Variants in SLC44A1 observed in about 807,000 individuals in gnomAD.
SLC44A1 encodes the protein solute carrier family 44 member 1, also known as choline transporter-like protein 1.
A neutral mutation model predicts 79.3 loss-of-function variants in SLC44A1; 26 were observed. That is an observed-to-expected ratio of 0.33 (90% CI 0.24 to 0.46). SLC44A1 has a LOEUF of 0.46. SLC44A1 is among the 20% of genes least tolerant of loss of function. The pLI is 1.00. For missense variants in SLC44A1, 688 were observed against 798.1 expected, an observed-to-expected ratio of 0.86 and a Z score of 1.66; for synonymous variants, 263 against 286.2, an observed-to-expected ratio of 0.92 and a Z score of 0.82.
At chr9:105,265,370 A>T (rs1003033783) in intron 1 of SLC44A1, among the ~76,000 whole-genome samples, 1 of 152,208 alleles carries the variant, frequency 6.6e-6, no homozygotes, top group African/African-American at 2.4e-5. Context: ...CCAGAATGTC[A>T]TATAAATGGA....
chr9:105,262,494 TTTC>T (rs1292483284), intron 1 of SLC44A1, among the ~76,000 whole-genome samples: 37 of 152,368 alleles, frequency 2.4e-4, no homozygotes, highest in Non-Finnish European at 4.3e-4. Flanking sequence ...ATAAATGAGT[TTTC>T]TTCTTTGATA....
chr9:105,398,069 G>A (rs1828909615), downstream of SLC44A1, among the ~76,000 whole-genome samples: 1 of 152,244 alleles, frequency 6.6e-6, no homozygotes, highest in Non-Finnish European at 1.5e-5. Context: ...GATCTGTAAT[G>A]AGTTTAGTGC....
chr9:105,399,523 GA>G (rs11349356), downstream of SLC44A1, among the ~76,000 whole-genome samples: 132,342 of 152,024 alleles, frequency 0.87, 59,509 homozygotes, highest in East Asian at 1. Flanking sequence ...TAAGCAAATT[GA>G]AAAAAAATTG....
rs1186723605 is a variant in SLC44A1, at chr9:105,413,424, G to GT, written c.1951-24853dup. ...AATATAGGTGCCGCCCATCTTCCTGGTTTTCCCCTTCTCTGGCCTGTCTGG... is the reference window on the plus strand; with the variant it reads ...AATATAGGTGCCGCCCATCTTCCTGGTTTTTCCCCTTCTCTGGCCTGTCTGG... On this transcript the variant is annotated intron_variant, in intron 15 of 15. Coordinates refer to the SLC44A1 transcript ENST00000374724. Among the ~76,000 whole-genome samples the GT allele has an allele frequency of 3.9e-5, 6 of 152,232 alleles. No individual in the cohort carries two copies. The South Asian group carries it at 8.3e-4, about 21-fold the overall frequency.
chr9:105,384,952 G>T (rs1828585556), intron 14 of SLC44A1, among the ~76,000 whole-genome samples: 1 of 152,042 alleles, frequency 6.6e-6, no homozygotes, highest in Non-Finnish European at 1.5e-5. Context: ...TTATGGTTTG[G>T]TTAAGAAAAA....
chr9:105,319,157 C>T (rs1826303931), intron 3 of SLC44A1, among the ~76,000 whole-genome samples: 3 of 152,154 alleles, frequency 2.0e-5, no homozygotes, highest in Admixed American at 2.0e-4. Flanking sequence ...AGAGGGCACA[C>T]AGTCCACACA....
At chr9:105,361,435 C>A in intron 8 of SLC44A1, 105 bp downstream of exon 8, 1 of 1,063,956 alleles carries the variant, frequency 9.4e-7, no homozygotes, top group Non-Finnish European at 1.4e-6. Flanking sequence ...TAACCCTGAT[C>A]TCCAGTAGAT....
chr9:105,302,479 A>C (rs989590009), intron 2 of SLC44A1, among the ~76,000 whole-genome samples: 2 of 151,780 alleles, frequency 1.3e-5, no homozygotes, highest in African/African-American at 4.8e-5. Context: ...CGGCCTCCTG[A>C]GTAGCTGAGA....
At chr9:105,276,962 T>C (rs1043522409) in intron 1 of SLC44A1, among the ~76,000 whole-genome samples, 1 of 152,196 alleles carries the variant, frequency 6.6e-6, no homozygotes, top group Non-Finnish European at 1.5e-5. Flanking sequence ...TTATTGAAAC[T>C]AGTGTTGAGG....
intron 3 of SLC44A1, among the ~76,000 whole-genome samples, chr9:105,313,752 A>G (rs1831243490): frequency 6.6e-6 from 1 of 151,986 alleles, no homozygotes; most frequent in Admixed American, 6.6e-5. Flanking sequence ...ATAAAAAATT[A>G]TTATCATTAT....
At chr9:105,367,360 A>G (rs1055419179) in intron 12 of SLC44A1, among the ~76,000 whole-genome samples, 11 of 152,330 alleles carry the variant, frequency 7.2e-5, no homozygotes, top group African/African-American at 2.6e-4. Context: ...TCTATGGTTA[A>G]TATGAGAAAG....
chr9:105,269,155 T>C (rs1830025871), intron 1 of SLC44A1, among the ~76,000 whole-genome samples: 1 of 152,222 alleles, frequency 6.6e-6, no homozygotes, highest in Non-Finnish European at 1.5e-5. Flanking sequence ...TAAATTTATG[T>C]CTGCATATTA....
chr9:105,294,148 G>A (rs1327359601), intron 1 of SLC44A1, among the ~76,000 whole-genome samples: 1 of 151,988 alleles, frequency 6.6e-6, no homozygotes, highest in African/African-American at 2.4e-5. Flanking sequence ...GTATATGTGT[G>A]CAAAAAAAGC....
At chr9:105,260,540 C>G (rs74492238) in intron 1 of SLC44A1, among the ~76,000 whole-genome samples, 2,293 of 152,260 alleles carry the variant, frequency 0.015, 50 homozygotes, top group African/African-American at 0.053. Context: ...TCACAAACTT[C>G]ATGTTCTTCT....
chr9:105,385,234 C>G (rs897963696), intron 14 of SLC44A1, among the ~76,000 whole-genome samples, 188 bp from the exon 15 acceptor site: 1 of 151,996 alleles, frequency 6.6e-6, no homozygotes, highest in African/African-American at 2.4e-5. Flanking sequence ...TTTTAATCAG[C>G]GAATTGCAGA....
chr9:105,359,743 A>G (rs1234382340), intron 7 of SLC44A1, among the ~76,000 whole-genome samples: 1 of 152,132 alleles, frequency 6.6e-6, no homozygotes, highest in Non-Finnish European at 1.5e-5. Flanking sequence ...ATTTTTCCAG[A>G]CAATTTTCTT....
At chr9:105,426,619 A>T (rs1829326027) in intron 15 of SLC44A1, among the ~76,000 whole-genome samples, 2 of 152,198 alleles carry the variant, frequency 1.3e-5, no homozygotes, top group Non-Finnish European at 1.5e-5. Context: ...CTTCTCATTT[A>T]TAGACAAGAA....
intron 1 of SLC44A1, among the ~76,000 whole-genome samples, chr9:105,277,302 C>G (rs953890266): frequency 6.6e-6 from 1 of 152,196 alleles, no homozygotes; most frequent in Admixed American, 6.5e-5. Flanking sequence ...TGGTCAGCCT[C>G]ATCTCTTGAA....
intron 1 of SLC44A1, among the ~76,000 whole-genome samples, chr9:105,246,463 T>C (rs1003311713): frequency 5.9e-5 from 9 of 151,762 alleles, no homozygotes; most frequent in African/African-American, 2.2e-4. Flanking sequence ...TAGTTAAAGA[T>C]TCCTATTCAG....
Sources: gnomAD v4.1 joint callset for allele counts (sites outside exome capture counted in the v4.1 genomes callset) on GRCh38, gnomAD v4.1.1 for gene constraint, MANE v1.5 for transcripts, NCBI Gene and HGNC (gene_info 2026-07-23, HGNC 2026-07-21) for gene names.